Variants in RELCH observed in about 807,000 individuals in gnomAD.
RELCH encodes RAB11 binding and LisH domain, coiled-coil and HEAT repeat containing, also known as RAB11-binding protein RELCH.
RELCH carries 41 observed loss-of-function variants against 150.3 expected under a neutral mutation model. That is an observed-to-expected ratio of 0.27 (90% confidence interval 0.21 to 0.35). The LOEUF is 0.35. Among genes scored for constraint, RELCH ranks in the 10% least tolerant of loss-of-function variants. The probability of loss-of-function intolerance (pLI) is 1.00; values close to 1 mark genes in which losing one functional copy is unlikely to be tolerated. For missense variants in RELCH, 1,092 were observed against 1,467.8 expected (o/e 0.74, Z 4.18); for synonymous variants, 478 against 531.8 (o/e 0.90, Z 1.39).
At position 62,264,104 on chromosome 18, in the gene RELCH, T is replaced by C. The variant is rs752353532; in HGVS notation, c.2466T>C (p.Gly822=). ...ATGACTACCAGCTAGAACAAGAGGG[T>C]ACAACAGGCTGGGAGAGTTTACTGT... ...QLYDYQLEQE[G]TTGWESLLWV... is the part of the protein sequence containing the mutation. Residue 822 remains glycine, a synonymous_variant, in exon 17 of 29, where the codon GGT becomes GGC. Transcript: ENST00000644646. 2 of 1,603,246 alleles carry C rather than the reference T, an allele frequency of 1.2e-6. No individual in the cohort carries two copies. The highest frequency in any genetic ancestry group is 8.5e-7 in the Non-Finnish European group (1 of 1,175,982).
chr18:62,192,285 T>G (rs746827359), intron 1 of RELCH, among the ~76,000 whole-genome samples: 55 of 152,374 alleles, frequency 3.6e-4, no homozygotes, highest in Non-Finnish European at 5.3e-4. Flanking sequence ...AGACTCTGGA[T>G]GTTAGACCTT....
At chr18:62,225,745 G>C (rs1265309938) in intron 5 of RELCH, among the ~76,000 whole-genome samples, 1 of 151,480 alleles carries the variant, frequency 6.6e-6, no homozygotes, top group Non-Finnish European at 1.5e-5. Context: ...CTTAAATTTT[G>C]GTTGAATGAT....
At chr18:62,258,392 C>G in intron 14 of RELCH, 120 bp from the exon 15 acceptor site, 1 of 871,538 alleles carries the variant, frequency 1.1e-6, no homozygotes, top group Non-Finnish European at 1.7e-6. Flanking sequence ...TTATGGATGG[C>G]CTTCTTTCTT....
At chr18:62,292,210 C>T (rs1040730952) in intron 27 of RELCH, among the ~76,000 whole-genome samples, 3 of 152,132 alleles carry the variant, frequency 2.0e-5, no homozygotes, top group African/African-American at 7.2e-5. Context: ...TCTATTGGTA[C>T]ATCATATTCC....
chr18:62,253,648 T>C (rs545025545), intron 12 of RELCH, among the ~76,000 whole-genome samples: 41 of 152,174 alleles, frequency 2.7e-4, no homozygotes, highest in Admixed American at 7.2e-4. Context: ...ATTAGTCATT[T>C]ATAGTCCTAT....
At chr18:62,220,032 C>A (rs1407531736) in intron 2 of RELCH, among the ~76,000 whole-genome samples, 1 of 152,024 alleles carries the variant, frequency 6.6e-6, no homozygotes, top group Non-Finnish European at 1.5e-5. Context: ...TTTCCCAGAG[C>A]TTTACTTCTC....
chr18:62,211,428 G>A (rs561628736), intron 2 of RELCH, among the ~76,000 whole-genome samples, 186 bp downstream of exon 2: 1 of 152,224 alleles, frequency 6.6e-6, no homozygotes, highest in African/African-American at 2.4e-5. Context: ...TTCTTCTTGT[G>A]GTACTGAGTT....
chr18:62,227,114 GC>G (rs1412119835), intron 5 of RELCH, among the ~76,000 whole-genome samples, 174 bp from the exon 6 acceptor site: 1 of 151,202 alleles, frequency 6.6e-6, no homozygotes, highest in African/African-American at 2.4e-5. Context: ...GCTCGCTTCA[GC>G]CCAGGAGTTT....
In RELCH at chr18:62,211,197, A is replaced by G. The variant is rs1015699091; in HGVS notation, c.571A>G (p.Arg191Gly). The change falls in exon 2 of 29, where the codon AGA becomes GGA. Residue 191 changes from arginine (R) to glycine (G), a missense_variant. This residue lies in a region of RELCH where 190 missense variants were observed against 276.2 expected (regional missense o/e 0.69). Coordinates refer to ENST00000644646, the MANE Select transcript of RELCH (RefSeq NM_001346231.2). ...TACCCTTGATTCTTTAGACTTTGCAAGATATTCAGATGATGGTAACAGGGA... is the reference window on the plus strand; with the variant it reads ...TACCCTTGATTCTTTAGACTTTGCAGGATATTCAGATGATGGTAACAGGGA... Reference protein sequence around the residue: ...ISTLDSLDFARYSDDGNRETD... With the variant: ...ISTLDSLDFAGYSDDGNRETD... 3.7e-6 allele frequency: 6 copies of G among 1,610,308 alleles called. No individual in the cohort carries two copies. Among genetic ancestry groups the G allele is most frequent in the Non-Finnish European group, 5.1e-6 (6 of 1,177,136 alleles).
At chr18:62,190,260 C>T (rs1248511004) in intron 1 of RELCH, among the ~76,000 whole-genome samples, 2 of 152,106 alleles carry the variant, frequency 1.3e-5, no homozygotes, top group Admixed American at 6.6e-5. Context: ...TGAGTTTTGA[C>T]AAATCAGTCA....
At chr18:62,200,417 T>C (rs564704053) in intron 1 of RELCH, among the ~76,000 whole-genome samples, 1 of 152,300 alleles carries the variant, frequency 6.6e-6, no homozygotes, top group East Asian at 1.9e-4. Flanking sequence ...ATGAGGGGAT[T>C]GTACTGTCTT....
At chr18:62,224,199 G>A (rs9961195) in intron 5 of RELCH, among the ~76,000 whole-genome samples, 41,080 of 151,930 alleles carry the variant, frequency 0.27, 6,046 homozygotes, top group Middle Eastern at 0.46. Flanking sequence ...ATTCCCACCT[G>A]TGAATGAGAA....
intron 1 of RELCH, among the ~76,000 whole-genome samples, chr18:62,208,227 T>C (rs566551637): frequency 2.0e-5 from 3 of 152,332 alleles, no homozygotes; most frequent in Admixed American, 1.3e-4. Context: ...TTAATTGTGC[T>C]GTCTTTTTTA....
In RELCH at chr18:62,264,096, C is replaced by G. The variant is rs1945544599; in HGVS notation, c.2458C>G (p.Gln820Glu). 1 of 1,604,340 alleles carries G rather than the reference C, an allele frequency of 6.2e-7. No homozygotes were observed. Among genetic ancestry groups the G allele is most frequent in the South Asian group, 1.1e-5 (1 of 89,624 alleles). The change falls in exon 17 of 29, where the codon CAA becomes GAA. Residue 820 changes from glutamine to glutamate, a missense_variant. Around this residue, in one of 4 missense-constraint regions of RELCH, gnomAD observed 707 missense variants for 1,025.4 expected, o/e 0.69. Coordinates refer to ENST00000644646, the MANE Select transcript of RELCH (RefSeq NM_001346231.2). ...LLQLYDYQLE[Q>E]EGTTGWESLL... ...GCAACTTTATGACTACCAGCTAGAA[C>G]AAGAGGGTACAACAGGCTGGGAGAG... is the stretch of plus-strand genomic sequence containing the variant.
At chr18:62,286,689 G>A (rs1292493878) in intron 25 of RELCH, among the ~76,000 whole-genome samples, 1 of 152,136 alleles carries the variant, frequency 6.6e-6, no homozygotes, top group African/African-American at 2.4e-5. Context: ...GTGGGAAATG[G>A]TACCCAGAAA....
rs1039902227 is a variant in RELCH, at chr18:62,305,264, G to A, written c.3531-150G>A. ...AATGAACATGAAAGCTCCTAACCTA[G>A]TATGGCATATACAAACTACCCTCCA... On this transcript the variant is annotated intron_variant, in intron 28 of 28. Transcript: ENST00000644646. This position sits in a 1 kb window ranked among gnomAD's most constrained non-coding sequence, Gnocchi z 4.0. 3 of 563,606 alleles carry A rather than the reference G, an allele frequency of 5.3e-6. No individual in the cohort carries two copies. Among genetic ancestry groups the A allele is most frequent in the Admixed American group, 6.9e-5 (2 of 28,962 alleles). The allele number at this position is 563,606 out of a possible 1,614,324, so 34.9% of individuals were successfully genotyped here.
At chr18:62,290,850 G>A (rs1271862240) in intron 26 of RELCH, among the ~76,000 whole-genome samples, 2 of 152,126 alleles carry the variant, frequency 1.3e-5, no homozygotes, top group Non-Finnish European at 2.9e-5. Flanking sequence ...CAAGAAATCA[G>A]GAAAATGGTA....
At chr18:62,222,068 C>CT (rs1179150697) in intron 5 of RELCH, among the ~76,000 whole-genome samples, 18 of 151,930 alleles carry the variant, frequency 1.2e-4, no homozygotes, top group Admixed American at 9.8e-4. Flanking sequence ...CTTCTTAGTG[C>CT]TAATGGATTG....
At chr18:62,278,842 CT>C (rs1174807809) in intron 22 of RELCH, among the ~76,000 whole-genome samples, 1 of 151,954 alleles carries the variant, frequency 6.6e-6, no homozygotes, top group African/African-American at 2.4e-5. Flanking sequence ...TTCTACTCAT[CT>C]TTTTTATTTT....
Sources: allele counts gnomAD v4.1 joint callset (sites outside exome capture counted in the v4.1 genomes callset), GRCh38; gene constraint gnomAD v4.1.1; regional missense constraint gnomAD v4.1.1; non-coding constraint Gnocchi (gnomAD v3.1); transcripts MANE v1.5; gene names NCBI Gene and HGNC (gene_info 2026-07-23, HGNC 2026-07-21).